USO1: variants seen among roughly 807,000 people sequenced by gnomAD.
USO1 encodes the protein USO1 vesicle transport factor.
In USO1, 57 loss-of-function variants were observed where a neutral mutation model predicts 124.5. The observed-to-expected ratio is 0.46, with a 90% CI of 0.37 to 0.57. The LOEUF (loss-of-function observed/expected upper bound fraction) is 0.57. Ranked by LOEUF, USO1 falls within the 20% of genes least tolerant of loss-of-function variation. The pLI, the probability that USO1 is intolerant of heterozygous loss-of-function variation, is 0.00. For synonymous variants in USO1, 369 were observed against 362.8 expected (o/e 1.02, Z -0.19); for missense variants, 900 against 1,040.6 (o/e 0.86, Z 1.86).
intron 20 of USO1, 57 bp downstream of exon 20, chr4:75,806,629 A>T (rs1188404231): frequency 3.2e-5 from 49 of 1,531,856 alleles, no homozygotes; most frequent in Non-Finnish European, 4.2e-5. Context: ...TAATAGAATA[A>T]CAGCCCTATA....
intron 4 of USO1, among the ~76,000 whole-genome samples, chr4:75,763,498 A>G (rs1012919875): frequency 9.2e-5 from 14 of 152,158 alleles, no homozygotes; most frequent in African/African-American, 3.1e-4. Context: ...TATTAAATAC[A>G]TTTTCAACCT....
intron 12 of USO1, 80 bp from the exon 13 acceptor site, chr4:75,793,610 T>C: frequency 2.7e-6 from 4 of 1,504,740 alleles, no homozygotes; most frequent in Non-Finnish European, 3.6e-6. Flanking sequence ...CTATTTTATG[T>C]GTACAGAAAA....
chr4:75,778,567 A>G (rs1722134946), intron 8 of USO1, among the ~76,000 whole-genome samples: 1 of 152,170 alleles, frequency 6.6e-6, no homozygotes, highest in Non-Finnish European at 1.5e-5. Flanking sequence ...AGGCAAGACT[A>G]TGTGGACCAT....
At position 75,770,474 on chromosome 4, in the gene USO1, A is replaced by G. The variant is rs756219746; in HGVS notation, c.331A>G (p.Ser111Gly). The change falls in exon 5 of 24, where the codon AGC (serine) becomes GGC (glycine). Residue 111 changes from serine (S) to glycine (G), a missense_variant. Coordinates refer to ENST00000514213, the MANE Select transcript of USO1 (RefSeq NM_003715.4). ...CACAAGACAGAGTGAAGATTTGGGA[A>G]GCCAATTTACAGAAATTTTCATTAA... ...NSTRQSEDLG[S>G]QFTEIFIKQQ... 1.3e-6 allele frequency: 2 copies of G among 1,592,964 alleles called. No homozygotes were observed. The highest frequency in any genetic ancestry group is 2.7e-5 in the African/African-American group (2 of 74,546).
At chr4:75,787,579 G>T (rs1271957528) in intron 10 of USO1, among the ~76,000 whole-genome samples, 2 of 152,066 alleles carry the variant, frequency 1.3e-5, no homozygotes, top group Admixed American at 1.3e-4. Flanking sequence ...CTAATGTGTG[G>T]CATTCTCTGT....
chr4:75,762,975 A>G (rs777063748), intron 4 of USO1, among the ~76,000 whole-genome samples: 4 of 152,194 alleles, frequency 2.6e-5, no homozygotes, highest in South Asian at 2.1e-4. Context: ...TTAATTAACT[A>G]CCAGTATAAA....
chr4:75,755,987 G>A (rs941965678), intron 3 of USO1, among the ~76,000 whole-genome samples: 2 of 151,896 alleles, frequency 1.3e-5, no homozygotes, highest in Non-Finnish European at 2.9e-5. Context: ...TGGCTAACAC[G>A]GTGAAACCCC....
intron 1 of USO1, among the ~76,000 whole-genome samples, chr4:75,741,509 T>G (rs1050283149): frequency 6.6e-6 from 1 of 152,186 alleles, no homozygotes; most frequent in Non-Finnish European, 1.5e-5. Context: ...GTAATAATGC[T>G]TAGTTTAAAA....
chr4:75,795,590 G>T (rs563847999), intron 13 of USO1, among the ~76,000 whole-genome samples: 2 of 152,062 alleles, frequency 1.3e-5, no homozygotes, highest in Admixed American at 6.5e-5. Context: ...ATCTATACTT[G>T]TGCTTCTTCT....
intron 3 of USO1, among the ~76,000 whole-genome samples, chr4:75,756,572 T>C (rs1378592456): frequency 2.0e-5 from 3 of 147,024 alleles, no homozygotes; most frequent in African/African-American, 5.0e-5. Flanking sequence ...AGTGGCACAA[T>C]CTCGGCTCAC....
intron 1 of USO1, chr4:75,730,090 G>A (rs1024449603): frequency 4.3e-6 from 1 of 233,156 alleles, no homozygotes; most frequent in African/African-American, 2.3e-5. Context: ...ATGTCGGAGA[G>A]AACTGTAATA....
In USO1 at chr4:75,756,144, T is replaced by G. The variant is rs1577939586; in HGVS notation, c.219-1353T>G. Among the ~76,000 whole-genome samples, 7 of 133,082 alleles carry G rather than the reference T, an allele frequency of 5.3e-5. No homozygotes were observed. In the South Asian group the frequency reaches 1.4e-3, roughly 27 times the overall value. The allele number at this position is 133,082 out of a possible 152,430, so 87.3% of individuals were successfully genotyped here. A position where few individuals can be genotyped will look rare whatever the true frequency, so the allele number is the denominator to read the frequency against. On this transcript the variant is annotated intron_variant, in intron 3 of 23. Transcript: ENST00000514213. ...AAGATCGCGCCACTGCACTCCAGCC[T>G]GGGTGACAGAACAAGACTCCGTCTC...
chr4:75,771,309 A>T (rs1203997051), intron 7 of USO1, among the ~76,000 whole-genome samples, 172 bp downstream of exon 7: 1 of 152,142 alleles, frequency 6.6e-6, no homozygotes, highest in Non-Finnish European at 1.5e-5. Flanking sequence ...TATGTTGCCC[A>T]GGTTGGTCTT....
intron 4 of USO1, among the ~76,000 whole-genome samples, chr4:75,766,954 G>A (rs1163681808): frequency 6.6e-6 from 1 of 152,194 alleles, no homozygotes; most frequent in Non-Finnish European, 1.5e-5. Context: ...ACCTGTGTTA[G>A]TAATGTACCT....
At chr4:75,744,321 C>T (rs2149146711) in intron 1 of USO1, among the ~76,000 whole-genome samples, 1 of 152,330 alleles carries the variant, frequency 6.6e-6, no homozygotes, top group Admixed American at 6.5e-5. Context: ...TGACCTTTAA[C>T]TTTCCTAAAC....
intron 21 of USO1, among the ~76,000 whole-genome samples, chr4:75,809,935 C>T (rs1723096394): frequency 6.6e-6 from 1 of 152,128 alleles, no homozygotes; most frequent in Non-Finnish European, 1.5e-5. Flanking sequence ...TGTCACTACC[C>T]GACTTCCTAG....
intron 13 of USO1, among the ~76,000 whole-genome samples, chr4:75,794,565 T>TC (rs769752228): frequency 6.6e-6 from 1 of 152,224 alleles, no homozygotes; most frequent in Non-Finnish European, 1.5e-5. Context: ...ATTGAACAGT[T>TC]CAAGTTCATG....
At chr4:75,754,086 C>CT (rs34901759) in intron 3 of USO1, among the ~76,000 whole-genome samples, 14,118 of 133,988 alleles carry the variant, frequency 0.11, 811 homozygotes, top group Middle Eastern at 0.22. Flanking sequence ...CGCGCCCAGC[C>CT]TTTTTTTTTT....
chr4:75,759,645 A>G (rs1435207114), intron 4 of USO1, among the ~76,000 whole-genome samples: 4 of 148,776 alleles, frequency 2.7e-5, no homozygotes, highest in South Asian at 2.1e-4. Flanking sequence ...ACGGTGGCTC[A>G]CGCCTGTAAT....
Sources: allele counts gnomAD v4.1 joint callset (sites outside exome capture counted in the v4.1 genomes callset), GRCh38; gene constraint gnomAD v4.1.1; transcripts MANE v1.5; gene names NCBI Gene and HGNC (gene_info 2026-07-23, HGNC 2026-07-21).